PDE8B: variants seen among roughly 807,000 people sequenced by gnomAD.
PDE8B encodes the protein high affinity cAMP-specific and IBMX-insensitive 3',5'-cyclic phosphodiesterase 8B.
Under a neutral mutation model 101.3 loss-of-function variants are expected in PDE8B, and 26 were observed. The observed-to-expected ratio is 0.26, with a 90% CI of 0.19 to 0.36. PDE8B has a LOEUF of 0.36. PDE8B is among the 10% of genes least tolerant of loss of function. PDE8B has a pLI of 1.00. For synonymous variants in PDE8B, 424 were observed against 429.3 expected, an observed-to-expected ratio of 0.99 and a Z score of 0.15; for missense variants, 810 against 1,163.1, an observed-to-expected ratio of 0.70 and a Z score of 4.42.
chr5:77,327,900 C>CAGG (rs1474067312), intron 3 of PDE8B, among the ~76,000 whole-genome samples: 1 of 152,126 alleles, frequency 6.6e-6, no homozygotes, highest in Non-Finnish European at 1.5e-5. Flanking sequence ...GCTCAAGGAA[C>CAGG]AGGACATGGA....
At chr5:77,379,649 G>T in intron 10 of PDE8B, among the ~76,000 whole-genome samples, 1 of 152,208 alleles carries the variant, frequency 6.6e-6, no homozygotes, top group East Asian at 1.9e-4. Context: ...GAGGACAGGG[G>T]CCCAGAGTGT....
At chr5:77,166,773 A>C in the PDE8B span, 1 of 152,160 alleles carries the variant, frequency 6.6e-6, no homozygotes, top group Non-Finnish European at 1.5e-5. Flanking sequence ...GAAACACCTT[A>C]TGTTGGTTAT....
intron 1 of PDE8B, among the ~76,000 whole-genome samples, chr5:77,275,754 G>A (rs531253654): frequency 6.6e-6 from 1 of 152,308 alleles, no homozygotes; most frequent in South Asian, 2.1e-4. Flanking sequence ...TGTGTCCCAC[G>A]TGCAAAGTGC....
In PDE8B at chr5:77,412,135, A is replaced by G. The variant is rs201723597; in HGVS notation, c.1612A>G (p.Ile538Val). 8.4e-5 allele frequency: 135 copies of G among 1,613,886 alleles called. No individual in the cohort carries two copies. The highest frequency in any genetic ancestry group is 1.1e-4 in the Non-Finnish European group (126 of 1,179,890). Reference sequence around the variant, plus strand: ...GAGTCACAGTCACCTTGCAATGCCAATAACCATCAATGATGTTCCCCCTTG... The same window carrying G: ...GAGTCACAGTCACCTTGCAATGCCAGTAACCATCAATGATGTTCCCCCTTG... Reference protein sequence around the residue: ...HQSHSHLAMPITINDVPPCIS... With the variant: ...HQSHSHLAMPVTINDVPPCIS... Residue 538 changes from isoleucine (I) to valine (V), a missense_variant, in exon 16 of 22, where the codon ATA (isoleucine) becomes GTA (valine). Ile to Val is a conservative substitution (Grantham distance 29). This residue lies in a region of PDE8B where 325 missense variants were observed against 560.9 expected (regional missense o/e 0.58). Coordinates refer to ENST00000264917, the MANE Select transcript of PDE8B (RefSeq NM_003719.5).
chr5:77,210,511 C>A, upstream of PDE8B: 1 of 507,896 alleles, frequency 2.0e-6, no homozygotes, highest in Non-Finnish European at 2.5e-6. This position sits in a 1 kb window ranked among gnomAD's most constrained non-coding sequence, Gnocchi z 4.9. Flanking sequence ...GGCAGGCGGG[C>A]AGGCGGGCGG....
In PDE8B at chr5:77,313,924, T is replaced by C. The variant is rs551690085; in HGVS notation, c.399+1871T>C. On this transcript the variant is annotated intron_variant, in intron 2 of 21. Transcript: ENST00000264917. The stretch of plus-strand genomic sequence containing the variant: ...ACTTTTTAGCTCTCTTTGAAAGGTG[T>C]TGTGCTATACACATCGTTCTTCATT... Among the ~76,000 whole-genome samples the C allele has an allele frequency of 1.6e-3, 251 of 152,354 alleles. 2 individuals carry two copies. The highest frequency in any genetic ancestry group is 5.9e-3 in the African/African-American group (244 of 41,596).
At chr5:77,126,684 T>C in the PDE8B span, among the ~76,000 whole-genome samples, 1 of 152,302 alleles carries the variant, frequency 6.6e-6, no homozygotes, top group South Asian at 2.1e-4. Context: ...CCTCCAAAAA[T>C]GTTGGGATTA....
At chr5:77,115,803 G>A in the PDE8B span, among the ~76,000 whole-genome samples, 3 of 152,156 alleles carry the variant, frequency 2.0e-5, no homozygotes, top group Non-Finnish European at 2.9e-5. Flanking sequence ...CCCTCTTGAC[G>A]CTGGAGGTAC....
intron 1 of PDE8B, among the ~76,000 whole-genome samples, chr5:77,287,555 G>A (rs557362571): frequency 1.1e-4 from 16 of 143,350 alleles, no homozygotes; most frequent in Admixed American, 4.9e-4. Flanking sequence ...TTCCTGACGC[G>A]TTCTCTCTAA....
chr5:77,313,813 T>A (rs1312222727), intron 2 of PDE8B, among the ~76,000 whole-genome samples: 2 of 152,202 alleles, frequency 1.3e-5, no homozygotes, highest in Admixed American at 1.3e-4. Context: ...TTCTTTCCTC[T>A]CTGAAAGCAA....
chr5:77,235,837 C>T (rs1754568058), intron 1 of PDE8B, among the ~76,000 whole-genome samples: 1 of 150,710 alleles, frequency 6.6e-6, no homozygotes, highest in Non-Finnish European at 1.5e-5. Context: ...ACTAAAAATT[C>T]TTGTTTTCTG....
At chr5:77,254,725 A>G (rs1213188530) in intron 1 of PDE8B, among the ~76,000 whole-genome samples, 1 of 152,202 alleles carries the variant, frequency 6.6e-6, no homozygotes. Context: ...CAGTTCTCCA[A>G]CAATAACTGA....
At chr5:77,179,564 A>G in the PDE8B span, among the ~76,000 whole-genome samples, 13 of 152,240 alleles carry the variant, frequency 8.5e-5, no homozygotes, top group Admixed American at 2.6e-4. Flanking sequence ...TGAAAGCTTC[A>G]TAGTGTCTGC....
chr5:77,275,123 G>C (rs1292168896), intron 1 of PDE8B, among the ~76,000 whole-genome samples: 4 of 152,190 alleles, frequency 2.6e-5, no homozygotes, highest in Non-Finnish European at 4.4e-5. Context: ...TACTTGGGAG[G>C]CTGAAGCAGG....
chr5:77,404,572 A>G (rs1199330105), intron 11 of PDE8B, 148 bp from the exon 12 acceptor site: 1 of 620,426 alleles, frequency 1.6e-6, no homozygotes, highest in Admixed American at 2.8e-5. Context: ...ATTTGAAAAG[A>G]AAGTGGTTGA....
rs868003482 is a variant in PDE8B, at chr5:77,351,279, A to G, written c.1106+126A>G. 2.3e-5 allele frequency: 18 copies of G among 777,596 alleles called. No homozygotes were observed. The South Asian group carries it at 2.6e-4, about 11-fold the overall frequency. The allele number at this position is 777,596 out of a possible 1,614,324, so 48.2% of individuals were successfully genotyped here. A position where few individuals can be genotyped will look rare whatever the true frequency, so the allele number is the denominator to read the frequency against. On this transcript the variant is annotated intron_variant, in intron 9 of 21. Transcript: ENST00000264917. ...GCAGTAGGGTTGTGCTGAATGTAGT[A>G]TAGATCGAGGGTGCTTCCACTCAGC...
At chr5:77,210,537 G>A, upstream of PDE8B, 1 of 818,204 alleles carries the variant, frequency 1.2e-6, no homozygotes, top group Non-Finnish European at 1.5e-6. This position sits in a 1 kb window ranked among gnomAD's most constrained non-coding sequence, Gnocchi z 4.9. Context: ...CTGGCCCAGG[G>A]CCGCGGGTGC....
chr5:77,257,847 G>A (rs1277251813), intron 1 of PDE8B, among the ~76,000 whole-genome samples: 1 of 152,014 alleles, frequency 6.6e-6, no homozygotes, highest in Admixed American at 6.5e-5. Flanking sequence ...ACAGGCCCCA[G>A]TGTGTATTGT....
chr5:77,097,720 T>TATATATATATATAG, the PDE8B span, among the ~76,000 whole-genome samples: 8 of 41,882 alleles, frequency 1.9e-4, no homozygotes, highest in South Asian at 3.7e-3. Context: ...TATATATATA[T>TATATATATATATAG]ATATATATAT....
Sources: gnomAD v4.1 joint callset for allele counts (sites outside exome capture counted in the v4.1 genomes callset) on GRCh38, gnomAD v4.1.1 for gene constraint, gnomAD v4.1.1 regional missense constraint, Gnocchi (gnomAD v3.1) non-coding constraint, MANE v1.5 for transcripts, NCBI Gene and HGNC (gene_info 2026-07-23, HGNC 2026-07-21) for gene names.